Variants in SUMF1 observed in about 807,000 individuals in gnomAD.
SUMF1 encodes the protein sulfatase modifying factor 1.
Under a neutral mutation model 47.6 loss-of-function variants are expected in SUMF1, and 48 were observed. The ratio of observed to expected loss-of-function variants is 1.01; its 90% CI spans 0.80 to 1.28. The LOEUF (loss-of-function observed/expected upper bound fraction) is 1.28. Among genes scored for constraint, SUMF1 ranks in the 50% most tolerant of loss-of-function variants. The pLI is 0.00. For synonymous variants in SUMF1, 230 were observed against 192.1 expected (o/e 1.20, Z -1.63); for missense variants, 571 against 485.4 (o/e 1.18, Z -1.66).
At chr3:4,459,640 C>G (rs2079758799) in intron 1 of SUMF1, among the ~76,000 whole-genome samples, 2 of 152,060 alleles carry the variant, frequency 1.3e-5, no homozygotes, top group African/African-American at 4.8e-5. Flanking sequence ...ACTACTATCC[C>G]AAGAAATCAA....
At chr3:4,163,376 AAGGAAGGGAGGGAGGGAGGG>A (rs1195383589) in intron 8 of SUMF1, among the ~76,000 whole-genome samples, 17 of 11,332 alleles carry the variant, frequency 1.5e-3, no homozygotes, top group South Asian at 6.3e-3. Context: ...GGAAGGAAGG[AAGGAAGGGAGGGAGGGAGGG>A]AGGGAGGGAG....
intron 8 of SUMF1, among the ~76,000 whole-genome samples, chr3:4,311,874 G>T (rs188553933): frequency 6.6e-6 from 1 of 152,294 alleles, no homozygotes; most frequent in Admixed American, 6.5e-5. Context: ...AAAAAAATCT[G>T]CTGGGTTCAT....
rs187923154 is a variant in SUMF1 at position 4,246,699 on chromosome 3, C to T, written c.1014+129631G>A. 2.4e-3 allele frequency among the ~76,000 whole-genome samples: 365 copies of T among 152,250 alleles called. 7 individuals are homozygous for T. The highest frequency in any genetic ancestry group is 0.021 in the Admixed American group (327 of 15,290). ...ACAGGCGTGAGCTACCGCACCCAGC[C>T]TTTTTCTCTGTTTCTTGATGTCTTT... is the stretch of plus-strand genomic sequence containing the variant. On this transcript the variant is annotated intron_variant and NMD_transcript_variant, in intron 8 of 12. Coordinates refer to the SUMF1 transcript ENST00000448413.
intron 7 of SUMF1, among the ~76,000 whole-genome samples, chr3:4,381,638 T>C (rs765380380): frequency 5.9e-5 from 9 of 152,392 alleles, no homozygotes; most frequent in Non-Finnish European, 1.0e-4. Flanking sequence ...AAGCATTTAT[T>C]CTGACTTCCT....
chr3:4,441,801 C>T (rs1212190050), intron 3 of SUMF1, among the ~76,000 whole-genome samples: 1 of 152,064 alleles, frequency 6.6e-6, no homozygotes, highest in South Asian at 2.1e-4. Flanking sequence ...AATGTTTTAC[C>T]TCAAAACTAC....
intron 3 of SUMF1, among the ~76,000 whole-genome samples, chr3:4,423,015 T>C (rs1575204484): frequency 6.6e-6 from 1 of 152,126 alleles, no homozygotes; most frequent in Non-Finnish European, 1.5e-5. Context: ...CTCCCACTTA[T>C]AAGTGAGAAC....
At chr3:4,192,918 G>A (rs2587954) in intron 8 of SUMF1, among the ~76,000 whole-genome samples, 3 of 151,916 alleles carry the variant, frequency 2.0e-5, no homozygotes, top group African/African-American at 4.8e-5. Context: ...CAAAAGGAGA[G>A]TCTGACATGT....
chr3:4,109,734 G>T (rs1693247876), intron 8 of SUMF1, among the ~76,000 whole-genome samples: 2 of 152,034 alleles, frequency 1.3e-5, no homozygotes. Context: ...TGAGGCTTGT[G>T]CATTTGTCAC....
At chr3:4,258,520 C>G (rs1213064188) in intron 8 of SUMF1, among the ~76,000 whole-genome samples, 1 of 151,046 alleles carries the variant, frequency 6.6e-6, no homozygotes, top group Non-Finnish European at 1.5e-5. Flanking sequence ...AAATGCTCAT[C>G]ATCACTAGCC....
At chr3:4,216,322 A>T (rs2125168975) in intron 8 of SUMF1, among the ~76,000 whole-genome samples, 1 of 152,348 alleles carries the variant, frequency 6.6e-6, no homozygotes. Context: ...TGGTGTTGGG[A>T]AAATTGGCTA....
At chr3:4,039,690 C>G (rs1694874467) in intron 9 of SUMF1, among the ~76,000 whole-genome samples, 1 of 151,940 alleles carries the variant, frequency 6.6e-6, no homozygotes, top group South Asian at 2.1e-4. Context: ...GCTCAATATT[C>G]TAAAAACAAT....
At chr3:4,276,188 A>T (rs1336258226) in intron 8 of SUMF1, among the ~76,000 whole-genome samples, 2 of 152,160 alleles carry the variant, frequency 1.3e-5, no homozygotes, top group African/African-American at 4.8e-5. Flanking sequence ...GGGATATTTT[A>T]CAGGGGACAA....
intron 1 of SUMF1, among the ~76,000 whole-genome samples, chr3:4,465,186 G>A (rs2079910649): frequency 6.6e-6 from 1 of 152,070 alleles, no homozygotes. Context: ...TTAGAAAGAG[G>A]GACAGACTGG....
intron 3 of SUMF1, among the ~76,000 whole-genome samples, chr3:4,438,695 T>C (rs1029575091): frequency 2.0e-5 from 3 of 152,148 alleles, no homozygotes; most frequent in African/African-American, 7.2e-5. Flanking sequence ...TTATCAAATC[T>C]ATCATCTTAA....
At chr3:4,431,552 C>A (rs921489242) in intron 3 of SUMF1, among the ~76,000 whole-genome samples, 1 of 152,230 alleles carries the variant, frequency 6.6e-6, no homozygotes, top group African/African-American at 2.4e-5. Flanking sequence ...TAAAATTTTT[C>A]TCCGCCCTCC....
At chr3:4,219,093 C>T (rs912773153) in intron 8 of SUMF1, among the ~76,000 whole-genome samples, 3 of 152,164 alleles carry the variant, frequency 2.0e-5, no homozygotes, top group Admixed American at 6.5e-5. Context: ...CACACTCCCC[C>T]ATACCACCCC....
chr3:4,164,463 G>A (rs754701028), intron 8 of SUMF1, among the ~76,000 whole-genome samples: 3 of 152,194 alleles, frequency 2.0e-5, no homozygotes, highest in Non-Finnish European at 4.4e-5. Flanking sequence ...CTGGGGCAGT[G>A]CGCCTTCCAG....
chr3:4,363,231 A>G (rs1398259510), intron 8 of SUMF1, among the ~76,000 whole-genome samples: 2 of 152,188 alleles, frequency 1.3e-5, no homozygotes, highest in Non-Finnish European at 2.9e-5. Context: ...AATATTTATG[A>G]TATTATTTAT....
chr3:4,420,921 A>G (rs1351819705), intron 3 of SUMF1, among the ~76,000 whole-genome samples: 1 of 152,174 alleles, frequency 6.6e-6, no homozygotes, highest in Non-Finnish European at 1.5e-5. Context: ...ACCCAACATT[A>G]GCTGGGTGAC....
Sources: allele counts gnomAD v4.1 joint callset (sites outside exome capture counted in the v4.1 genomes callset), GRCh38; gene constraint gnomAD v4.1.1; transcripts MANE v1.5; gene names NCBI Gene and HGNC (gene_info 2026-07-23, HGNC 2026-07-21).